Variants in CSMD1 observed in about 807,000 individuals in gnomAD.
CSMD1 encodes the protein CUB and sushi domain-containing protein 1.
CSMD1 carries 213 observed loss-of-function variants against 417.5 expected under a neutral mutation model. That is an observed-to-expected ratio of 0.51 (90% CI 0.46 to 0.57). The LOEUF is 0.57. Ranked by LOEUF, CSMD1 falls within the 20% of genes least tolerant of loss-of-function variation. CSMD1 has a pLI of 0.00. For synonymous variants in CSMD1, 2,862 were observed against 1,736.8 expected, an observed-to-expected ratio of 1.65 and a Z score of -16.11; for missense variants, 6,923 against 4,529.7, an observed-to-expected ratio of 1.53 and a Z score of -15.17.
chr8:4,464,450 T>G (rs112873363), intron 2 of CSMD1, among the ~76,000 whole-genome samples: 1 of 152,314 alleles, frequency 6.6e-6, no homozygotes, highest in South Asian at 2.1e-4. Context: ...AACACGCACA[T>G]TAGCCTACAG....
In CSMD1 at chr8:4,580,775, T is replaced by C. The variant is rs530751266; in HGVS notation, c.302+56567A>G. On this transcript the variant is annotated intron_variant, in intron 2 of 69. Transcript: ENST00000635120. ...CCTTTGAGGTTCTCCTAACATTTTATTTCCTTATGATAGTGTTAATTATAT... is the reference window on the plus strand; with the variant it reads ...CCTTTGAGGTTCTCCTAACATTTTACTTCCTTATGATAGTGTTAATTATAT... Among the ~76,000 whole-genome samples, 5 of 152,372 alleles carry C rather than the reference T, an allele frequency of 3.3e-5. No homozygotes were observed. The East Asian group carries it at 7.7e-4, about 23-fold the overall frequency.
At chr8:3,888,018 C>T (rs1241515920) in intron 5 of CSMD1, among the ~76,000 whole-genome samples, 4 of 152,038 alleles carry the variant, frequency 2.6e-5, no homozygotes, top group Admixed American at 1.3e-4. Flanking sequence ...CAACTTCTGG[C>T]AGAGAAATTA....
rs182054348 is a variant in CSMD1, at chr8:3,979,593, C to T, written c.818+18310G>A. Among the ~76,000 whole-genome samples, 793 of 152,206 alleles carry T rather than the reference C, an allele frequency of 5.2e-3. 23 individuals are homozygous for T. Among genetic ancestry groups the T allele is most frequent in the Admixed American group, 0.048 (733 of 15,274 alleles). On this transcript the variant is annotated intron_variant, in intron 5 of 69. Transcript: ENST00000635120. ...ACAGGAAGATGGGATCATGAGGATG[C>T]GGCCAACATGATGAGATTATAAAAA...
At chr8:4,259,009 G>A (rs762804712) in intron 3 of CSMD1, among the ~76,000 whole-genome samples, 5 of 152,176 alleles carry the variant, frequency 3.3e-5, no homozygotes, top group Admixed American at 6.5e-5. Flanking sequence ...CAGAAGAGAC[G>A]TTTGTTGGAA....
intron 7 of CSMD1, among the ~76,000 whole-genome samples, chr8:3,636,664 C>T (rs1415474206): frequency 1.3e-5 from 2 of 152,192 alleles, no homozygotes; most frequent in Admixed American, 1.3e-4. Flanking sequence ...TGCTCTTCTC[C>T]CTAGTCTTGA....
intron 1 of CSMD1, among the ~76,000 whole-genome samples, chr8:4,695,852 G>C (rs976467560): frequency 2.0e-5 from 3 of 152,192 alleles, no homozygotes; most frequent in African/African-American, 4.8e-5. Flanking sequence ...GGATCATCTA[G>C]ACTGGTGGCC....
At chr8:4,646,383 T>C (rs181215468) in intron 1 of CSMD1, among the ~76,000 whole-genome samples, 2 of 152,178 alleles carry the variant, frequency 1.3e-5, no homozygotes, top group Non-Finnish European at 2.9e-5. Flanking sequence ...CTTGCTTTAA[T>C]ACGGGTGAAG....
chr8:3,974,716 G>T (rs1002676719), intron 5 of CSMD1, among the ~76,000 whole-genome samples: 14 of 151,444 alleles, frequency 9.2e-5, no homozygotes, highest in African/African-American at 3.4e-4. Context: ...TATATAAGAT[G>T]AAGAACAGAA....
intron 5 of CSMD1, among the ~76,000 whole-genome samples, chr8:3,995,798 T>C (rs562473691): frequency 6.6e-6 from 1 of 152,320 alleles, no homozygotes; most frequent in Non-Finnish European, 1.5e-5. Context: ...CGGCTAATCA[T>C]GGCTATTTGA....
intron 10 of CSMD1, among the ~76,000 whole-genome samples, chr8:3,525,924 G>C (rs977165871): frequency 6.6e-6 from 1 of 152,060 alleles, no homozygotes; most frequent in African/African-American, 2.4e-5. Flanking sequence ...CACACAAATC[G>C]TATTACATGC....
At position 2,955,747 on chromosome 8, in the gene CSMD1, T is replaced by G; in HGVS notation, c.9836A>C (p.Glu3279Ala). 2 of 1,613,922 alleles carry G rather than the reference T, an allele frequency of 1.2e-6. No homozygotes were observed. The highest frequency in any genetic ancestry group is 1.7e-6 in the Non-Finnish European group (2 of 1,179,834). Residue 3279 changes from glutamate (E) to alanine (A), a missense_variant, in exon 64 of 70, where the codon GAA (glutamate) becomes GCA (alanine). Transcript: ENST00000635120. ...ECIPHACRQP[E>A]TPAHADVRAI... ...TCTCACATCCGCGTGTGCCGGGGTT[T>G]CTGGCTGTCTGCAGGCATGAGCTGA...
At chr8:3,386,332 C>T (rs138399921) in intron 18 of CSMD1, among the ~76,000 whole-genome samples, 26 of 152,254 alleles carry the variant, frequency 1.7e-4, no homozygotes, top group South Asian at 6.2e-4. Flanking sequence ...CCACAGACGC[C>T]GAACTCGACT....
chr8:4,133,391 T>A (rs1291285860), intron 3 of CSMD1, among the ~76,000 whole-genome samples: 2 of 152,202 alleles, frequency 1.3e-5, no homozygotes, highest in Non-Finnish European at 2.9e-5. Flanking sequence ...ATAACATATA[T>A]ACCTTCACAC....
chr8:4,515,378 T>G (rs927898779), intron 2 of CSMD1, among the ~76,000 whole-genome samples: 3 of 152,114 alleles, frequency 2.0e-5, no homozygotes, highest in Non-Finnish European at 4.4e-5. Flanking sequence ...GAGAGAGATG[T>G]TAAATGTTAT....
intron 5 of CSMD1, among the ~76,000 whole-genome samples, chr8:3,808,780 G>C (rs765527411): frequency 2.0e-5 from 3 of 152,176 alleles, no homozygotes; most frequent in Non-Finnish European, 2.9e-5. Context: ...TAGGTAGTTT[G>C]TCTCGGAATT....
intron 2 of CSMD1, among the ~76,000 whole-genome samples, chr8:4,444,270 C>T (rs1407235628): frequency 7.5e-6 from 1 of 133,200 alleles, no homozygotes; most frequent in African/African-American, 2.7e-5. Flanking sequence ...TGAACCTGGG[C>T]TGGGAGGTGG....
At chr8:4,709,108 G>GA (rs1281646451) in intron 1 of CSMD1, among the ~76,000 whole-genome samples, 1 of 152,110 alleles carries the variant, frequency 6.6e-6, no homozygotes, top group Non-Finnish European at 1.5e-5. Context: ...GACTGGGTTG[G>GA]AAAAAATGTC....
intron 1 of CSMD1, among the ~76,000 whole-genome samples, chr8:4,989,606 G>C (rs1253673312): frequency 6.6e-6 from 1 of 152,184 alleles, no homozygotes; most frequent in African/African-American, 2.4e-5. Flanking sequence ...AGCTCAACCA[G>C]AAGACATACA....
At chr8:2,979,350 C>T (rs1189592074) in intron 54 of CSMD1, among the ~76,000 whole-genome samples, 1 of 152,252 alleles carries the variant, frequency 6.6e-6, no homozygotes, top group Non-Finnish European at 1.5e-5. Flanking sequence ...ACTTAGGCCT[C>T]TTCTCCTTTT....
Sources: allele counts gnomAD v4.1 joint callset (sites outside exome capture counted in the v4.1 genomes callset), GRCh38; gene constraint gnomAD v4.1.1; transcripts MANE v1.5; gene names NCBI Gene and HGNC (gene_info 2026-07-23, HGNC 2026-07-21).